Variants in NDUFB9 observed in about 807,000 individuals in gnomAD.
NDUFB9 encodes NADH dehydrogenase [ubiquinone] 1 beta subcomplex subunit 9.
A neutral mutation model predicts 30.2 loss-of-function variants in NDUFB9; 24 were observed. The ratio of observed to expected loss-of-function variants is 0.80; its 90% CI spans 0.58 to 1.12. The LOEUF (loss-of-function observed/expected upper bound fraction) is 1.12. Among genes scored for constraint, NDUFB9 ranks in the 50% most tolerant of loss-of-function variants. The pLI is 0.00. For missense variants in NDUFB9, 204 were observed against 226.0 expected, an observed-to-expected ratio of 0.90 and a Z score of 0.62; for synonymous variants, 80 against 84.0, an observed-to-expected ratio of 0.95 and a Z score of 0.26.
intron 3 of NDUFB9, among the ~76,000 whole-genome samples, chr8:124,549,153 C>A (rs1461145733): frequency 2.6e-5 from 4 of 152,212 alleles, no homozygotes; most frequent in Non-Finnish European, 2.9e-5. Flanking sequence ...TGACTGGAGG[C>A]CCAGGGCAGC....
At chr8:124,540,123 C>T (rs1396325818) in intron 1 of NDUFB9, among the ~76,000 whole-genome samples, 2 of 152,114 alleles carry the variant, frequency 1.3e-5, no homozygotes, top group Non-Finnish European at 2.9e-5. Flanking sequence ...TGGAGTAGGC[C>T]TGGAAGAATT....
At chr8:124,546,061 C>T (rs895055288) in intron 2 of NDUFB9, among the ~76,000 whole-genome samples, 2 of 152,094 alleles carry the variant, frequency 1.3e-5, no homozygotes, top group East Asian at 1.9e-4. Flanking sequence ...AGGCTGGTCT[C>T]GAACTCCTGA....
rs1085307890 is a variant in NDUFB9, at chr8:124,543,284, G to A, written c.294+5G>A. On this transcript the variant is annotated splice_donor_5th_base_variant and intron_variant, in intron 2 of 3. Coordinates refer to ENST00000276689, the MANE Select transcript of NDUFB9 (RefSeq NM_005005.3). ...GAGAGATACGATTGCTACAAGGTAG[G>A]TGAGAATTATGATGACTGCCTTCTG... The A allele has an allele frequency of 3.1e-6, 5 of 1,612,216 alleles. No individual in the cohort carries two copies. The highest frequency in any genetic ancestry group is 2.7e-5 in the African/African-American group (2 of 74,998).
At chr8:124,548,870 G>C (rs575717307) in intron 3 of NDUFB9, among the ~76,000 whole-genome samples, 1 of 152,340 alleles carries the variant, frequency 6.6e-6, no homozygotes, top group Non-Finnish European at 1.5e-5. Context: ...TGGTTGGATA[G>C]TGGGATATTT....
chr8:124,548,475 G>A (rs1822222164), intron 3 of NDUFB9, among the ~76,000 whole-genome samples: 1 of 152,198 alleles, frequency 6.6e-6, no homozygotes, highest in African/African-American at 2.4e-5. Flanking sequence ...TGGACAAGAT[G>A]TGATAGTCAT....
In NDUFB9 at chr8:124,539,238, C is replaced by G. The variant is rs1821806965; in HGVS notation, c.52C>G (p.Arg18Gly). ...PYLTHQQKVL[R>G]LYKRALRHLE... ...CCTGACCCATCAGCAAAAGGTGTTG[C>G]GGCTTTATAAGCGGGCGCTACGCCA... Residue 18 changes from arginine (R) to glycine (G), a missense_variant, in exon 1 of 4, where the codon CGG becomes GGG. By Grantham distance (125) the Arg-to-Gly change is moderately radical. Coordinates refer to ENST00000276689, the MANE Select transcript of NDUFB9 (RefSeq NM_005005.3). 1 of 1,614,078 alleles carries G rather than the reference C, an allele frequency of 6.2e-7. No individual in the cohort carries two copies.
rs150369757 is a variant in NDUFB9 at position 124,539,585 on chromosome 8, A to G, written c.101+298A>G. On this transcript the variant is annotated intron_variant, in intron 1 of 3. Coordinates refer to ENST00000276689, the MANE Select transcript of NDUFB9 (RefSeq NM_005005.3). The stretch of plus-strand genomic sequence containing the variant: ...AGTGAAATAAAGGAAAGTGCCTAAA[A>G]TTGTAATTGTCATGGGTCCAGCGCT... The G allele has an allele frequency of 5.9e-4, 238 of 401,106 alleles. 1 individual carries two copies. The highest frequency in any genetic ancestry group is 3.4e-3 in the African/African-American group (170 of 49,322). 24.8% of individuals were successfully genotyped at this position (401,106 alleles called of 1,614,324 possible). A position where few individuals can be genotyped will look rare whatever the true frequency, so the allele number is the denominator to read the frequency against.
intron 3 of NDUFB9, 33 bp downstream of exon 3, chr8:124,547,146 C>T: frequency 1.3e-6 from 2 of 1,530,650 alleles, no homozygotes; most frequent in Non-Finnish European, 1.8e-6. Flanking sequence ...TATTCCTTAG[C>T]TATGTAGATG....
intron 3 of NDUFB9, among the ~76,000 whole-genome samples, chr8:124,548,080 G>A (rs1822209811): frequency 6.6e-6 from 1 of 152,184 alleles, no homozygotes; most frequent in South Asian, 2.1e-4. Flanking sequence ...TGGGGAAGGG[G>A]GCACAGGTGT....
chr8:124,544,676 A>G (rs1245361195), intron 2 of NDUFB9, among the ~76,000 whole-genome samples: 2 of 152,240 alleles, frequency 1.3e-5, no homozygotes, highest in Non-Finnish European at 2.9e-5. Context: ...ATCTGTATAC[A>G]ACATGGTTTA....
chr8:124,543,014 C>G, intron 1 of NDUFB9, 73 bp from the exon 2 acceptor site: 1 of 1,509,974 alleles, frequency 6.6e-7, no homozygotes, highest in Middle Eastern at 2.3e-4. Flanking sequence ...AGAAGTGCAG[C>G]CTCCTGTCAG....
At chr8:124,547,302 C>T in intron 3 of NDUFB9, 189 bp downstream of exon 3, 2 of 670,084 alleles carry the variant, frequency 3.0e-6, no homozygotes, top group South Asian at 1.6e-5. Context: ...AAGTGCATTC[C>T]CTGGTCGTTT....
intron 2 of NDUFB9, among the ~76,000 whole-genome samples, chr8:124,545,669 CAG>C (rs1822136505): frequency 6.6e-6 from 1 of 152,008 alleles, no homozygotes; most frequent in African/African-American, 2.4e-5. Flanking sequence ...GCTAAGAAAA[CAG>C]AGGCACAACA....
At position 124,539,307 on chromosome 8, in the gene NDUFB9, G is replaced by A. The variant is rs1242343047; in HGVS notation, c.101+20G>A. On this transcript the variant is annotated intron_variant, in intron 1 of 3. Coordinates refer to ENST00000276689, the MANE Select transcript of NDUFB9 (RefSeq NM_005005.3). Reference sequence around the variant, plus strand: ...CCAGAGGTAAGGGATGGGGACCCAGGACTCGGGGAGGTGACCCTCGGGGCC... The same window carrying A: ...CCAGAGGTAAGGGATGGGGACCCAGAACTCGGGGAGGTGACCCTCGGGGCC... 1.2e-6 allele frequency: 2 copies of A among 1,613,404 alleles called. No individual in the cohort carries two copies. Among genetic ancestry groups the A allele is most frequent in the Admixed American group, 3.3e-5 (2 of 60,032 alleles).
At position 124,539,191 on chromosome 8, in the gene NDUFB9, C is replaced by T. The variant is rs754264800; in HGVS notation, c.5C>T (p.Ala2Val). M[A>V]FLASGPYLTH... ...CCGGGGAAGGTCAGCGCCGTAATGG[C>T]GTTCTTGGCGTCGGGACCCTACCTG... The change falls in exon 1 of 4, where the codon GCG becomes GTG. Residue 2 changes from alanine to valine, a missense_variant. By Grantham distance (64) the Ala-to-Val change is moderately conservative. Coordinates refer to ENST00000276689, the MANE Select transcript of NDUFB9 (RefSeq NM_005005.3). 6.2e-6 allele frequency: 10 copies of T among 1,614,098 alleles called. No homozygotes were observed. The Admixed American group carries it at 1.5e-4, about 24-fold the overall frequency.
intron 2 of NDUFB9, among the ~76,000 whole-genome samples, chr8:124,545,487 T>C (rs539279969): frequency 1.9e-3 from 288 of 152,358 alleles, no homozygotes; most frequent in African/African-American, 6.4e-3. Context: ...ATTGGTTTTC[T>C]GATGGCTCAG....
chr8:124,542,538 C>T (rs1822038659), intron 1 of NDUFB9, among the ~76,000 whole-genome samples: 1 of 152,184 alleles, frequency 6.6e-6, no homozygotes, highest in African/African-American at 2.4e-5. Flanking sequence ...ATTGTCAAAA[C>T]CTCCTAACTG....
At chr8:124,539,379 C>A in intron 1 of NDUFB9, 92 bp downstream of exon 1, 1 of 1,167,226 alleles carries the variant, frequency 8.6e-7, no homozygotes, top group Non-Finnish European at 1.3e-6. Flanking sequence ...TCAAGGACTT[C>A]GGGAACGGAA....
At chr8:124,542,832 T>A in intron 1 of NDUFB9, 1 of 270,972 alleles carries the variant, frequency 3.7e-6, no homozygotes, top group Non-Finnish European at 7.0e-6. Flanking sequence ...TTTTTTTGTT[T>A]AAATCCTCAT....
Sources: gnomAD v4.1 joint callset for allele counts (sites outside exome capture counted in the v4.1 genomes callset) on GRCh38, gnomAD v4.1.1 for gene constraint, MANE v1.5 for transcripts, NCBI Gene and HGNC (gene_info 2026-07-23, HGNC 2026-07-21) for gene names.